Variants in PDZRN4 observed in about 807,000 individuals in gnomAD.
PDZRN4 encodes PDZ domain containing ring finger 4.
In PDZRN4, 70 loss-of-function variants were observed where a neutral mutation model predicts 99.0. The ratio of observed to expected loss-of-function variants is 0.71; its 90% CI spans 0.58 to 0.86. PDZRN4 has a LOEUF of 0.86. PDZRN4 is among the 40% of genes least tolerant of loss of function. The probability of loss-of-function intolerance (pLI) is 0.00; values close to 1 mark genes in which losing one functional copy is unlikely to be tolerated. For synonymous variants in PDZRN4, 551 were observed against 501.6 expected, an observed-to-expected ratio of 1.10 and a Z score of -1.32; for missense variants, 1,474 against 1,331.2, an observed-to-expected ratio of 1.11 and a Z score of -1.67.
chr12:41,332,978 A>C (rs1951750139), intron 3 of PDZRN4, among the ~76,000 whole-genome samples: 1 of 152,098 alleles, frequency 6.6e-6, no homozygotes, highest in South Asian at 2.1e-4. Context: ...TACTGACACT[A>C]TCGACAGTTT....
intron 3 of PDZRN4, among the ~76,000 whole-genome samples, chr12:41,237,630 G>C (rs565425189): frequency 6.6e-6 from 1 of 152,184 alleles, no homozygotes; most frequent in South Asian, 2.1e-4. Flanking sequence ...AATCCATCTT[G>C]AGTTAATTTT....
chr12:41,199,445 A>G (rs772018144), intron 3 of PDZRN4, among the ~76,000 whole-genome samples: 47 of 152,276 alleles, frequency 3.1e-4, no homozygotes, highest in Non-Finnish European at 5.4e-4. Context: ...GGAAAACACT[A>G]TGGCGACTTC....
intron 3 of PDZRN4, among the ~76,000 whole-genome samples, chr12:41,424,328 T>G (rs961447671): frequency 1.3e-5 from 2 of 152,200 alleles, no homozygotes; most frequent in Non-Finnish European, 2.9e-5. Flanking sequence ...TATATAAAGC[T>G]TTCCTTATGT....
At chr12:41,502,120 G>A (rs942673949) in intron 3 of PDZRN4, among the ~76,000 whole-genome samples, 1 of 151,964 alleles carries the variant, frequency 6.6e-6, no homozygotes, top group Non-Finnish European at 1.5e-5. Context: ...TAATGTGTCT[G>A]CTTTTTCATT....
At chr12:41,313,406 C>T (rs1951619612) in intron 3 of PDZRN4, among the ~76,000 whole-genome samples, 1 of 152,164 alleles carries the variant, frequency 6.6e-6, no homozygotes, top group East Asian at 1.9e-4. Context: ...GAGCAATGTT[C>T]CTACTAACAA....
At chr12:41,461,267 T>C (rs939492477) in intron 3 of PDZRN4, among the ~76,000 whole-genome samples, 3 of 152,074 alleles carry the variant, frequency 2.0e-5, no homozygotes, top group Non-Finnish European at 2.9e-5. Flanking sequence ...GTTACATAGG[T>C]AAACGTGCAT....
At chr12:41,544,777 C>A (rs1478828950) in intron 5 of PDZRN4, among the ~76,000 whole-genome samples, 2 of 152,138 alleles carry the variant, frequency 1.3e-5, no homozygotes, top group African/African-American at 2.4e-5. Flanking sequence ...GTGGTACCAT[C>A]TGGCAATTAA....
intron 3 of PDZRN4, among the ~76,000 whole-genome samples, chr12:41,327,011 C>T (rs1441468252): frequency 1.3e-5 from 2 of 152,120 alleles, no homozygotes; most frequent in Admixed American, 6.5e-5. Context: ...CAGTTTCTCT[C>T]CAGGTCAGTA....
chr12:41,286,664 C>G, intron 3 of PDZRN4, among the ~76,000 whole-genome samples: 1 of 152,204 alleles, frequency 6.6e-6, no homozygotes, highest in South Asian at 2.1e-4. Context: ...TGTGTCAACA[C>G]CAGGAAGAGT....
At chr12:41,235,423 A>G (rs1315174188) in intron 3 of PDZRN4, among the ~76,000 whole-genome samples, 1 of 152,164 alleles carries the variant, frequency 6.6e-6, no homozygotes, top group African/African-American at 2.4e-5. Context: ...AAACTAACAA[A>G]GAAGATAAGC....
chr12:41,515,543 A>T (rs886105574), intron 5 of PDZRN4, among the ~76,000 whole-genome samples: 2 of 152,044 alleles, frequency 1.3e-5, no homozygotes, highest in African/African-American at 4.8e-5. Flanking sequence ...TAAAGATAAG[A>T]TGGTATTCTG....
chr12:41,302,167 T>G (rs1267933397), intron 3 of PDZRN4, among the ~76,000 whole-genome samples: 2 of 152,172 alleles, frequency 1.3e-5, no homozygotes, highest in African/African-American at 2.4e-5. Context: ...TATTTTTGTA[T>G]GTACATACAT....
intron 3 of PDZRN4, among the ~76,000 whole-genome samples, chr12:41,416,059 A>G (rs569748010): frequency 1.3e-5 from 2 of 152,296 alleles, no homozygotes; most frequent in African/African-American, 2.4e-5. Context: ...AGACCCAAAT[A>G]TTTCCTCTGA....
intron 3 of PDZRN4, among the ~76,000 whole-genome samples, chr12:41,409,302 A>T (rs1952375076): frequency 6.6e-6 from 1 of 152,006 alleles, no homozygotes; most frequent in Non-Finnish European, 1.5e-5. Context: ...ATAGTTATTG[A>T]GTCTTGACCA....
chr12:41,295,297 G>A (rs1472466501), intron 3 of PDZRN4, among the ~76,000 whole-genome samples: 2 of 152,050 alleles, frequency 1.3e-5, no homozygotes, highest in Non-Finnish European at 2.9e-5. Context: ...ATTCATTGAG[G>A]TCAATTACAA....
chr12:41,285,085 A>G (rs887478814), intron 3 of PDZRN4, among the ~76,000 whole-genome samples: 2 of 152,196 alleles, frequency 1.3e-5, no homozygotes, highest in African/African-American at 2.4e-5. Context: ...ACAGAATGGG[A>G]GAAAATTTTG....
intron 5 of PDZRN4, among the ~76,000 whole-genome samples, chr12:41,528,394 T>G (rs765539711): frequency 7.2e-5 from 11 of 152,240 alleles, no homozygotes; most frequent in Non-Finnish European, 1.5e-4. Flanking sequence ...AACTTTTTCT[T>G]TATTTTCTCT....
At chr12:41,323,542 A>G (rs1232740668) in intron 3 of PDZRN4, among the ~76,000 whole-genome samples, 1 of 152,096 alleles carries the variant, frequency 6.6e-6, no homozygotes, top group East Asian at 1.9e-4. Flanking sequence ...TTCTTATTGT[A>G]TTGTTCAGGC....
intron 3 of PDZRN4, among the ~76,000 whole-genome samples, chr12:41,358,790 A>G (rs1951945832): frequency 6.6e-6 from 1 of 151,966 alleles, no homozygotes; most frequent in Non-Finnish European, 1.5e-5. Flanking sequence ...CAGTTGCTTG[A>G]GTGATTTGCA....
Sources: gnomAD v4.1 joint callset for allele counts (sites outside exome capture counted in the v4.1 genomes callset) on GRCh38, gnomAD v4.1.1 for gene constraint, MANE v1.5 for transcripts, NCBI Gene and HGNC (gene_info 2026-07-23, HGNC 2026-07-21) for gene names.